The following IRAG1 variants were observed in gnomAD, a reference collection of about 807,000 sequenced individuals.
IRAG1 encodes IP3R-associated cGMP kinase substrate.
IRAG1 carries 62 observed loss-of-function variants against 106.2 expected under a neutral mutation model. That is an observed-to-expected ratio of 0.58 (90% CI 0.48 to 0.72). The LOEUF (loss-of-function observed/expected upper bound fraction) is 0.72, where lower values mean the gene tolerates loss of function less well. IRAG1 is among the 30% of genes least tolerant of loss of function. The pLI is 0.00. For missense variants in IRAG1, 1,064 were observed against 1,140.7 expected (o/e 0.93, Z 0.97); for synonymous variants, 462 against 443.9 (o/e 1.04, Z -0.51).
chr11:10,667,842 G>C (rs1376216030), intron 1 of IRAG1, among the ~76,000 whole-genome samples: 2 of 152,178 alleles, frequency 1.3e-5, no homozygotes, highest in African/African-American at 4.8e-5. Flanking sequence ...TAGGGCCTGG[G>C]AATCTGTATG....
At chr11:10,658,746 C>CTGTGGTCAGTCCCAGGTCT (rs1859147135) in intron 1 of IRAG1, among the ~76,000 whole-genome samples, 4 of 134,716 alleles carry the variant, frequency 3.0e-5, no homozygotes, top group South Asian at 4.7e-4. Flanking sequence ...GTCCCAGGTC[C>CTGTGGTCAGTCCCAGGTCT]GTGCTGTGGT....
chr11:10,651,106 G>A (rs1228897672), intron 2 of IRAG1, among the ~76,000 whole-genome samples: 2 of 152,192 alleles, frequency 1.3e-5, no homozygotes, highest in Non-Finnish European at 2.9e-5. Context: ...CCATTTCAAT[G>A]CAAATCAACT....
At chr11:10,590,267 A>T (rs1039489040) in intron 18 of IRAG1, among the ~76,000 whole-genome samples, 4 of 152,160 alleles carry the variant, frequency 2.6e-5, no homozygotes, top group Admixed American at 2.0e-4. Flanking sequence ...CCCTGTAGTG[A>T]TCAAGAAAAG....
At chr11:10,609,171 C>T (rs1234410775) in intron 11 of IRAG1, among the ~76,000 whole-genome samples, 1 of 152,178 alleles carries the variant, frequency 6.6e-6, no homozygotes, top group Non-Finnish European at 1.5e-5. Flanking sequence ...ATCACAGAGG[C>T]CTTTCCTTGA....
chr11:10,692,190 T>C (rs557151688), intron 1 of IRAG1, among the ~76,000 whole-genome samples: 2 of 122,674 alleles, frequency 1.6e-5, no homozygotes, highest in Non-Finnish European at 3.6e-5. Context: ...CCACCAAATA[T>C]GCATGCACAC....
At chr11:10,687,877 G>A (rs371862341) in intron 1 of IRAG1, 3 of 601,144 alleles carry the variant, frequency 5.0e-6, no homozygotes, top group African/African-American at 5.4e-5. Context: ...GCTTTTTTTT[G>A]GGGGGGGGTG....
At chr11:10,621,981 G>A (rs1292846766) in intron 10 of IRAG1, among the ~76,000 whole-genome samples, 3 of 152,244 alleles carry the variant, frequency 2.0e-5, no homozygotes, top group Non-Finnish European at 1.5e-5. Flanking sequence ...GTTTTAATGA[G>A]TATGGCATTT....
chr11:10,620,303 C>A (rs891765093), intron 10 of IRAG1, among the ~76,000 whole-genome samples: 2 of 151,772 alleles, frequency 1.3e-5, no homozygotes, highest in Non-Finnish European at 1.5e-5. Flanking sequence ...TTTACAATTC[C>A]TCTAAAATAA....
chr11:10,626,258 G>T lies in IRAG1; in HGVS notation c.1076C>A (p.Ala359Asp). Residue 359 changes from alanine (A) to aspartate (D), a missense_variant, in exon 9 of 21, where the codon GCC becomes GAC. Physicochemically the swap from Ala to Asp is moderately radical, Grantham distance 126. Transcript: ENST00000423302. ...TQDAAGVGPP[A>D]SQGRGPAGEP... is the part of the protein sequence containing the mutation. ...TCCAGCTGGGCCTCTCCCCTGGGAG[G>T]CTGGGGGACCCACTCCTGCCGCATC... 6.2e-7 allele frequency: 1 copy of T among 1,609,232 alleles called. No homozygotes were observed. The highest frequency in any genetic ancestry group is 1.3e-5 in the African/African-American group (1 of 74,982).
intron 20 of IRAG1, among the ~76,000 whole-genome samples, chr11:10,578,787 G>C (rs535586260): frequency 6.6e-6 from 1 of 152,328 alleles, no homozygotes; most frequent in African/African-American, 2.4e-5. Context: ...GATTGAATTA[G>C]CTAGATAAGA....
intron 2 of IRAG1, among the ~76,000 whole-genome samples, chr11:10,637,057 C>T (rs992413890): frequency 3.3e-5 from 5 of 152,088 alleles, no homozygotes; most frequent in Admixed American, 3.3e-4. Flanking sequence ...GATGGGAAGC[C>T]CTGAAGGTTA....
At chr11:10,620,716 C>T (rs1215393113) in intron 10 of IRAG1, among the ~76,000 whole-genome samples, 1 of 152,198 alleles carries the variant, frequency 6.6e-6, no homozygotes, top group East Asian at 1.9e-4. Flanking sequence ...GATGTCCATT[C>T]AGTCTTTGTC....
intron 10 of IRAG1, among the ~76,000 whole-genome samples, chr11:10,611,301 C>T (rs1280347528): frequency 6.6e-6 from 1 of 152,150 alleles, no homozygotes; most frequent in East Asian, 1.9e-4. Context: ...ATTTATAGCT[C>T]TCTGACAAGG....
At chr11:10,683,187 G>A (rs1254076457) in intron 1 of IRAG1, among the ~76,000 whole-genome samples, 1 of 152,158 alleles carries the variant, frequency 6.6e-6, no homozygotes, top group Non-Finnish European at 1.5e-5. Context: ...GCTGTTGTAT[G>A]GGGAATTCTA....
intron 15 of IRAG1, chr11:10,595,732 A>AT (rs1179188610): frequency 2.6e-5 from 4 of 152,182 alleles, no homozygotes; most frequent in African/African-American, 9.7e-5. Context: ...TTCAGGGTAC[A>AT]TGTGCAGGTG....
At position 10,687,927 on chromosome 11, in the gene IRAG1, G is replaced by A. The variant is rs77139918; in HGVS notation, c.67+5609C>T. On this transcript the variant is annotated intron_variant, in intron 1 of 20. Transcript: ENST00000423302. ...AAAATGGACACTATCATTACAGGTC[G>A]AGCATTCCAAATCTGAAAAATCTGA... The A allele has an allele frequency of 4.5e-3, 2,470 of 549,130 alleles. 38 individuals are homozygous for A. Among genetic ancestry groups the A allele is most frequent in the African/African-American group, 0.037 (1,815 of 48,992 alleles). The allele number at this position is 549,130 out of a possible 1,614,324, so 34.0% of individuals were successfully genotyped here.
In IRAG1 at chr11:10,627,738, G is replaced by A. The variant is rs1159399985; in HGVS notation, c.728C>T (p.Ser243Phe). ...PPQKGDEADV[S>F]SPHPGEPNVP... ...CACAGGCTCGCCAGGGTGAGGTGAA[G>A]AGACGTCGGCCTCATCCCCCTTCTG... is the stretch of plus-strand genomic sequence containing the variant. Residue 243 changes from serine to phenylalanine, a missense_variant, in exon 8 of 21, where the codon TCT becomes TTT. Physicochemically the swap from Ser to Phe is radical, Grantham distance 155. Coordinates refer to ENST00000423302, the MANE Select transcript of IRAG1 (RefSeq NM_130385.4). 8 of 1,614,010 alleles carry A rather than the reference G, an allele frequency of 5.0e-6. No homozygotes were observed. The highest frequency in any genetic ancestry group is 1.3e-5 in the African/African-American group (1 of 75,072).
chr11:10,633,210 G>A (rs991236610), intron 3 of IRAG1, among the ~76,000 whole-genome samples: 1 of 151,728 alleles, frequency 6.6e-6, no homozygotes, highest in Non-Finnish European at 1.5e-5. Flanking sequence ...GAGTAGCTGG[G>A]ACTACAGGCG....
At chr11:10,643,939 G>A (rs770108722) in intron 2 of IRAG1, among the ~76,000 whole-genome samples, 9 of 152,206 alleles carry the variant, frequency 5.9e-5, no homozygotes, top group African/African-American at 1.2e-4. Flanking sequence ...ATGCATTTCC[G>A]ACTGTCTGTA....
Sources: allele counts gnomAD v4.1 joint callset (sites outside exome capture counted in the v4.1 genomes callset), GRCh38; gene constraint gnomAD v4.1.1; transcripts MANE v1.5; gene names NCBI Gene and HGNC (gene_info 2026-07-23, HGNC 2026-07-21).